PGM5: variants seen among roughly 807,000 people sequenced by gnomAD.
PGM5 encodes the protein phosphoglucomutase 5.
Under a neutral mutation model 59.2 loss-of-function variants are expected in PGM5, and 23 were observed. The ratio of observed to expected loss-of-function variants is 0.39; its 90% confidence interval spans 0.28 to 0.55. The LOEUF is 0.55. Among genes scored for constraint, PGM5 ranks in the 20% least tolerant of loss-of-function variants. The probability of loss-of-function intolerance (pLI) is 0.66; values close to 1 mark genes in which losing one functional copy is unlikely to be tolerated. For synonymous variants in PGM5, 214 were observed against 286.0 expected (o/e 0.75, Z 2.54); for missense variants, 574 against 748.3 (o/e 0.77, Z 2.72).
intron 10 of PGM5, among the ~76,000 whole-genome samples, chr9:68,503,968 G>C (rs13298000): frequency 0.12 from 18,059 of 152,182 alleles, 1,308 homozygotes; most frequent in Admixed American, 0.17. Flanking sequence ...GTATGAGGAG[G>C]GCCAGAGATT....
At chr9:68,466,090 T>C in intron 7 of PGM5, 1 of 1,242,346 alleles carries the variant, frequency 8.0e-7, no homozygotes. Flanking sequence ...GTTAGATAAT[T>C]TGTGATGACA....
intron 1 of PGM5, among the ~76,000 whole-genome samples, chr9:68,370,885 G>A (rs12000675): frequency 0.017 from 2,535 of 152,306 alleles, 53 homozygotes; most frequent in African/African-American, 0.056. Flanking sequence ...GTTTCCCCAA[G>A]CATTTAGAAG....
chr9:68,400,783 C>T (rs1274172192), intron 6 of PGM5: 10 of 152,348 alleles, frequency 6.6e-5, no homozygotes, highest in South Asian at 2.1e-4. Context: ...TGGGTACTGA[C>T]GCTCTTAGCA....
intron 10 of PGM5, among the ~76,000 whole-genome samples, chr9:68,528,927 T>C (rs1200006844): frequency 1.3e-5 from 2 of 152,184 alleles, no homozygotes; most frequent in African/African-American, 4.8e-5. Context: ...GAAATGAGTC[T>C]TCCTCCTTCT....
chr9:68,404,697 T>C (rs1822757452), intron 6 of PGM5, among the ~76,000 whole-genome samples: 1 of 152,182 alleles, frequency 6.6e-6, no homozygotes, highest in Admixed American at 6.5e-5. Context: ...CAAGTTCTTT[T>C]AGAGTCCCTG....
At chr9:68,529,331 G>C (rs778042332) in intron 10 of PGM5, among the ~76,000 whole-genome samples, 5 of 151,948 alleles carry the variant, frequency 3.3e-5, no homozygotes, top group Non-Finnish European at 7.4e-5. Context: ...TCCTATTATA[G>C]ATAAATTTCT....
intron 6 of PGM5, among the ~76,000 whole-genome samples, chr9:68,409,978 C>T (rs1554681487): frequency 6.6e-6 from 1 of 152,206 alleles, no homozygotes; most frequent in Admixed American, 6.5e-5. Flanking sequence ...CTCGCTTTCC[C>T]CATCTAGAAG....
intron 10 of PGM5, among the ~76,000 whole-genome samples, chr9:68,523,731 C>A (rs1824931544): frequency 1.3e-5 from 2 of 152,156 alleles, no homozygotes; most frequent in Non-Finnish European, 2.9e-5. Flanking sequence ...GTCATCCACA[C>A]CTATTCACTC....
At chr9:68,521,822 G>C (rs1042784890) in intron 10 of PGM5, among the ~76,000 whole-genome samples, 3 of 152,216 alleles carry the variant, frequency 2.0e-5, no homozygotes, top group African/African-American at 7.2e-5. Context: ...TAGGTTTGTA[G>C]TATTCAGCAG....
intron 3 of PGM5, among the ~76,000 whole-genome samples, chr9:68,384,970 T>A (rs2987665): frequency 6.6e-6 from 1 of 151,334 alleles, no homozygotes; most frequent in Non-Finnish European, 1.5e-5. Flanking sequence ...GGAATAATTA[T>A]GCATCAGCTT....
At chr9:68,497,056 A>C (rs1055819578) in intron 9 of PGM5, 7 of 152,256 alleles carry the variant, frequency 4.6e-5, no homozygotes, top group African/African-American at 1.7e-4. Context: ...AAGGCTGTGA[A>C]TATCAATATA....
In PGM5 at chr9:68,358,758, T is replaced by A. The variant is rs192781840; in HGVS notation, c.261+1370T>A. On this transcript the variant is annotated intron_variant, in intron 1 of 10. Transcript: ENST00000396396. ...CAGGGATGGGGAAAGAGGATTTTTT[T>A]AAAAACATAATAAAACGCAATTGGG... Among the ~76,000 whole-genome samples the A allele has an allele frequency of 3.1e-3, 466 of 152,264 alleles. 4 individuals are homozygous for A. The highest frequency in any genetic ancestry group is 0.01 in the African/African-American group (434 of 41,530).
intron 7 of PGM5, among the ~76,000 whole-genome samples, chr9:68,467,237 G>A (rs1479366174): frequency 6.6e-6 from 1 of 152,158 alleles, no homozygotes; most frequent in Non-Finnish European, 1.5e-5. Flanking sequence ...TGATTTTAAA[G>A]TAATGTAAAG....
chr9:68,498,238 T>C (rs538122017), intron 9 of PGM5: 1 of 152,328 alleles, frequency 6.6e-6, no homozygotes, highest in Admixed American at 6.5e-5. Context: ...ATCTTTACAC[T>C]AAAGGTGTTT....
At chr9:68,501,523 C>A (rs1045640829) in intron 10 of PGM5, among the ~76,000 whole-genome samples, 8 of 152,142 alleles carry the variant, frequency 5.3e-5, no homozygotes, top group African/African-American at 1.7e-4. Flanking sequence ...TTCTAAAAAG[C>A]CTTTGATTAA....
At chr9:68,488,087 G>A (rs1824326288) in intron 9 of PGM5, among the ~76,000 whole-genome samples, 1 of 152,086 alleles carries the variant, frequency 6.6e-6, no homozygotes, top group Non-Finnish European at 1.5e-5. Context: ...TTTAAAAAAA[G>A]CATCCTTGGG....
At chr9:68,384,789 G>A (rs196723) in intron 3 of PGM5, among the ~76,000 whole-genome samples, 2,245 of 148,848 alleles carry the variant, frequency 0.015, 59 homozygotes, top group African/African-American at 0.052. Flanking sequence ...AAGTTTTATG[G>A]TTGACTTCAT....
chr9:68,425,385 A>G (rs1387002220), intron 6 of PGM5, among the ~76,000 whole-genome samples: 3 of 152,212 alleles, frequency 2.0e-5, no homozygotes. Flanking sequence ...TAAGGATTAG[A>G]GTAGAGGAGA....
intron 10 of PGM5, among the ~76,000 whole-genome samples, chr9:68,529,363 G>C (rs923895504): frequency 5.9e-5 from 9 of 152,024 alleles, no homozygotes; most frequent in Non-Finnish European, 1.3e-4. Flanking sequence ...TTAAGACTTT[G>C]GAGATCACCT....
Sources: allele counts gnomAD v4.1 joint callset (sites outside exome capture counted in the v4.1 genomes callset), GRCh38; gene constraint gnomAD v4.1.1; transcripts MANE v1.5; gene names NCBI Gene and HGNC (gene_info 2026-07-23, HGNC 2026-07-21).